The following LINGO2 variants were observed in gnomAD, a reference collection of about 807,000 sequenced individuals.
LINGO2 encodes the protein leucine rich repeat and Ig domain containing 2.
LINGO2 carries 14 observed loss-of-function variants against 30.6 expected under a neutral mutation model. That is an observed-to-expected ratio of 0.46 (90% CI 0.30 to 0.72). LINGO2 has a LOEUF of 0.72. Ranked by LOEUF, LINGO2 falls within the 30% of genes least tolerant of loss-of-function variation. LINGO2 has a pLI of 0.07. For missense variants in LINGO2, 729 were observed against 751.7 expected, an observed-to-expected ratio of 0.97 and a Z score of 0.35; for synonymous variants, 317 against 288.5, an observed-to-expected ratio of 1.10 and a Z score of -1.00.
chr9:28,893,290 A>G, the LINGO2 span, among the ~76,000 whole-genome samples: 1 of 151,984 alleles, frequency 6.6e-6, no homozygotes, highest in African/African-American at 2.4e-5. Flanking sequence ...TCAATATATG[A>G]TGGTCATTAT....
chr9:28,742,066 G>T, the LINGO2 span, among the ~76,000 whole-genome samples: 1 of 152,098 alleles, frequency 6.6e-6, no homozygotes, highest in East Asian at 1.9e-4. Flanking sequence ...TTAGTCTTCA[G>T]GCACTGCCTG....
At chr9:28,855,453 T>C in the LINGO2 span, among the ~76,000 whole-genome samples, 1 of 152,144 alleles carries the variant, frequency 6.6e-6, no homozygotes, top group East Asian at 1.9e-4. Flanking sequence ...TCTTAGTCTT[T>C]ATAAAATGCA....
At chr9:28,888,769 CT>C in the LINGO2 span, 14 of 455,612 alleles carry the variant, frequency 3.1e-5, no homozygotes, top group South Asian at 2.1e-4. Context: ...ACATTACTTC[CT>C]TGTTTAGAAC....
intron 2 of LINGO2, among the ~76,000 whole-genome samples, chr9:28,441,681 C>T (rs1411674558): frequency 6.6e-6 from 1 of 152,066 alleles, no homozygotes; most frequent in East Asian, 1.9e-4. Context: ...TTATAGTTAC[C>T]ACGCTTTTCA....
intron 4 of LINGO2, among the ~76,000 whole-genome samples, chr9:28,253,733 T>TTCCC (rs1239171116): frequency 3.3e-5 from 5 of 152,140 alleles, no homozygotes; most frequent in Non-Finnish European, 7.4e-5. Context: ...GCAACCTAAC[T>TTCCC]TCCCTTCCTG....
chr9:28,041,188 T>A (rs975172661), intron 4 of LINGO2, among the ~76,000 whole-genome samples: 4 of 152,212 alleles, frequency 2.6e-5, no homozygotes, highest in Non-Finnish European at 4.4e-5. Context: ...CTATTCTGTC[T>A]ATTGCACCTC....
At chr9:29,163,996 T>C in the LINGO2 span, among the ~76,000 whole-genome samples, 1 of 152,092 alleles carries the variant, frequency 6.6e-6, no homozygotes, top group East Asian at 1.9e-4. Context: ...TTTCCATGTC[T>C]AGGTCACAAA....
the LINGO2 span, among the ~76,000 whole-genome samples, chr9:29,124,128 T>A: frequency 6.6e-6 from 1 of 152,116 alleles, no homozygotes; most frequent in Non-Finnish European, 1.5e-5. Flanking sequence ...CCATCTGATC[T>A]TTGACAAATC....
rs111672074 is a variant in LINGO2 at position 28,244,819 on chromosome 9, CAA to C, written c.-87+50387_-87+50388del. Among the ~76,000 whole-genome samples, 333 of 140,362 alleles carry C rather than the reference CAA, an allele frequency of 2.4e-3. 1 individual carries two copies. The highest frequency in any genetic ancestry group is 3.4e-3 in the African/African-American group (131 of 38,160). 92.1% of individuals were successfully genotyped at this position (140,362 alleles called of 152,430 possible). Reference sequence around the variant, plus strand: ...ATTGAGGCAGTAATAGTATGCCAACCAAAAAAAAAAAAAAGCCCAGGACCACA... The same window carrying C: ...ATTGAGGCAGTAATAGTATGCCAACCAAAAAAAAAAAAGCCCAGGACCACA... On this transcript the variant is annotated intron_variant, in intron 4 of 5. Coordinates refer to ENST00000379992, the Ensembl canonical transcript of LINGO2.
chr9:28,262,101 T>A (rs1205311459), intron 4 of LINGO2, among the ~76,000 whole-genome samples: 2 of 151,970 alleles, frequency 1.3e-5, no homozygotes, highest in Non-Finnish European at 2.9e-5. Context: ...AATCTTCCTT[T>A]TAGGGTTATG....
chr9:29,126,143 A>T, the LINGO2 span, among the ~76,000 whole-genome samples: 1 of 152,134 alleles, frequency 6.6e-6, no homozygotes, highest in African/African-American at 2.4e-5. Flanking sequence ...TCAATCTATC[A>T]ATCAATCAAC....
chr9:28,521,980 C>T (rs1341691349), intron 1 of LINGO2, among the ~76,000 whole-genome samples: 3 of 152,160 alleles, frequency 2.0e-5, no homozygotes, highest in Non-Finnish European at 2.9e-5. Context: ...CTGTATCCAT[C>T]GAGGGAGCAT....
rs138557739 is a variant in LINGO2, at chr9:27,996,665, T to C, written c.-36+15690A>G. ...TTAGTTAATGGGTAATACAGTTAGA[T>C]AGAATTAATAAATTCTAGTGTCCAA... On this transcript the variant is annotated intron_variant, in intron 5 of 5. Coordinates refer to ENST00000379992, the Ensembl canonical transcript of LINGO2. 2.5e-3 allele frequency among the ~76,000 whole-genome samples: 388 copies of C among 152,284 alleles called. 1 individual carries two copies. The highest frequency in any genetic ancestry group is 8.9e-3 in the African/African-American group (368 of 41,568).
intron 4 of LINGO2, among the ~76,000 whole-genome samples, chr9:28,175,668 C>T (rs930528463): frequency 1.3e-5 from 2 of 152,130 alleles, no homozygotes; most frequent in South Asian, 2.1e-4. Flanking sequence ...CTCACTGGGA[C>T]CCTATCCAGG....
intron 1 of LINGO2, among the ~76,000 whole-genome samples, chr9:28,587,508 T>A (rs1291503132): frequency 6.6e-6 from 1 of 151,802 alleles, no homozygotes; most frequent in East Asian, 1.9e-4. Context: ...GTGTGAGTGG[T>A]AAAGGTGTGT....
At chr9:28,081,678 T>C (rs1191887380) in intron 4 of LINGO2, among the ~76,000 whole-genome samples, 1 of 152,202 alleles carries the variant, frequency 6.6e-6, no homozygotes, top group Non-Finnish European at 1.5e-5. Context: ...TTGGATGAGT[T>C]ACTTAATGAA....
intron 2 of LINGO2, among the ~76,000 whole-genome samples, chr9:28,407,050 T>C (rs555858144): frequency 6.6e-6 from 1 of 152,264 alleles, no homozygotes; most frequent in East Asian, 1.9e-4. Context: ...ATGATACTAC[T>C]ACATTTTTGT....
At chr9:29,132,808 C>T in the LINGO2 span, among the ~76,000 whole-genome samples, 1 of 152,132 alleles carries the variant, frequency 6.6e-6, no homozygotes, top group African/African-American at 2.4e-5. Context: ...TAGCCTAATG[C>T]CCTACACATA....
At chr9:28,104,286 T>TG (rs1554673666) in intron 4 of LINGO2, among the ~76,000 whole-genome samples, 3 of 135,340 alleles carry the variant, frequency 2.2e-5, no homozygotes, top group Non-Finnish European at 4.8e-5. Flanking sequence ...TTTTTTTTTT[T>TG]GCTTTTTTTT....
Sources: allele counts gnomAD v4.1 joint callset (sites outside exome capture counted in the v4.1 genomes callset), GRCh38; gene constraint gnomAD v4.1.1; transcripts MANE v1.5; gene names NCBI Gene and HGNC (gene_info 2026-07-23, HGNC 2026-07-21).